SNX27: variants seen among roughly 807,000 people sequenced by gnomAD.
The protein encoded by SNX27 is sorting nexin 27.
SNX27 carries 22 observed loss-of-function variants against 71.6 expected under a neutral mutation model. That is an observed-to-expected ratio of 0.31 (90% confidence interval 0.22 to 0.44). The LOEUF (loss-of-function observed/expected upper bound fraction) is 0.44. SNX27 is among the 20% of genes least tolerant of loss of function. The pLI is 1.00. For synonymous variants in SNX27, 269 were observed against 277.2 expected, an observed-to-expected ratio of 0.97 and a Z score of 0.29; for missense variants, 531 against 698.6, an observed-to-expected ratio of 0.76 and a Z score of 2.70.
chr1:151,682,706 G>C (rs985326423), intron 7 of SNX27, among the ~76,000 whole-genome samples: 8 of 152,172 alleles, frequency 5.3e-5, no homozygotes, highest in African/African-American at 1.7e-4. Flanking sequence ...TGACGAGAGA[G>C]AGAGCACATG....
chr1:151,693,046 G>C lies in SNX27; in HGVS notation c.1518+7G>C. ...TAAAATCTTCACGCCATATGTGAGT[G>C]CAATTTGGGGAAAGTAACTGGGACT... On this transcript the variant is annotated splice_region_variant and intron_variant, in intron 10 of 11. Transcript: ENST00000458013. 6.2e-7 allele frequency: 1 copy of C among 1,603,962 alleles called. No individual in the cohort carries two copies. The highest frequency in any genetic ancestry group is 8.5e-7 in the Non-Finnish European group (1 of 1,177,060).
chr1:151,634,035 T>A (rs1333613327), intron 1 of SNX27, among the ~76,000 whole-genome samples: 2 of 152,074 alleles, frequency 1.3e-5, no homozygotes, highest in Non-Finnish European at 2.9e-5. Context: ...AGTAAATGTA[T>A]GTTTAACATT....
In SNX27 at chr1:151,612,214, G is replaced by A. The variant is rs1272928903; in HGVS notation, c.13G>A (p.Asp5Asn). ...GCCTGCTCGCAAGATGGCGGACGAG[G>A]ACGGGGAAGGGATTCATCCCTCAGC... MADEDGEGIHPSAPH... is the reference protein window; with the variant it reads MADENGEGIHPSAPH... Residue 5 changes from aspartate to asparagine, a missense_variant, in exon 1 of 12, where the codon GAC becomes AAC. Asp to Asn is a conservative substitution (Grantham distance 23). This residue lies in a region of SNX27 where 130 missense variants were observed against 143.5 expected (regional missense o/e 0.91). Coordinates refer to ENST00000458013, the MANE Select transcript of SNX27 (RefSeq NM_001330723.2). This position sits in a 1 kb window ranked among gnomAD's most constrained non-coding sequence, Gnocchi z 5.2. 2.2e-6 allele frequency: 3 copies of A among 1,357,584 alleles called. No homozygotes were observed. Among genetic ancestry groups the A allele is most frequent in the East Asian group, 3.1e-5 (1 of 32,234 alleles). 84.1% of individuals were successfully genotyped at this position (1,357,584 alleles called of 1,614,324 possible).
At chr1:151,693,887 G>C in intron 11 of SNX27, 1 of 1,395,226 alleles carries the variant, frequency 7.2e-7, no homozygotes, top group Non-Finnish European at 9.3e-7. Flanking sequence ...AAGAATGTTT[G>C]TGTGAGGGAA....
At chr1:151,646,273 A>G (rs1669029009) in intron 2 of SNX27, among the ~76,000 whole-genome samples, 1 of 152,132 alleles carries the variant, frequency 6.6e-6, no homozygotes, top group Non-Finnish European at 1.5e-5. Flanking sequence ...TCTCATAGAA[A>G]GCTTAGAGCT....
At chr1:151,640,075 A>C (rs1258229383) in intron 2 of SNX27, among the ~76,000 whole-genome samples, 1 of 152,232 alleles carries the variant, frequency 6.6e-6, no homozygotes, top group Non-Finnish European at 1.5e-5. Flanking sequence ...AAAAGCAAGG[A>C]AGCTAAAAGA....
Position 151,659,007 on chromosome 1 carries a change from A to ATAT in SNX27, c.736+580_736+581insTAT, listed in dbSNP as rs543896553. 1.1e-4 allele frequency among the ~76,000 whole-genome samples: 17 copies of ATAT among 152,318 alleles called. 1 individual carries two copies. In the Middle Eastern group the frequency reaches 0.01, roughly 91 times the overall value. Reference sequence around the variant, plus strand: ...ATATTATCTGCCAGCAAACACATATAGACTCAGCAATATGCTGAATTGATT... The same window carrying ATAT: ...ATATTATCTGCCAGCAAACACATATATATGACTCAGCAATATGCTGAATTGATT... On this transcript the variant is annotated intron_variant, in intron 3 of 11. Coordinates refer to ENST00000458013, the MANE Select transcript of SNX27 (RefSeq NM_001330723.2).
intron 1 of SNX27, among the ~76,000 whole-genome samples, chr1:151,628,706 G>A (rs1031728171): frequency 1.3e-5 from 2 of 152,106 alleles, no homozygotes. Context: ...GTGGTATCTT[G>A]TTTTCATTTG....
intron 1 of SNX27, among the ~76,000 whole-genome samples, chr1:151,619,359 C>G (rs370767601): frequency 6.6e-6 from 1 of 152,152 alleles, no homozygotes; most frequent in Non-Finnish European, 1.5e-5. Flanking sequence ...AAACTGAACA[C>G]CAGAGTGCAT....
At chr1:151,667,217 C>G (rs1670226925) in intron 6 of SNX27, 2 of 119,278 alleles carry the variant, frequency 1.7e-5, no homozygotes, top group Admixed American at 2.2e-4. Context: ...CTACAACACT[C>G]TAGCCTGGGC....
intron 2 of SNX27, among the ~76,000 whole-genome samples, chr1:151,651,597 C>T (rs1313752603): frequency 6.6e-6 from 1 of 151,142 alleles, no homozygotes; most frequent in Non-Finnish European, 1.5e-5. Flanking sequence ...TCCTCACATC[C>T]CAGACGGGGC....
chr1:151,682,549 C>T (rs1258263279), intron 7 of SNX27, among the ~76,000 whole-genome samples: 1 of 152,042 alleles, frequency 6.6e-6, no homozygotes, highest in Non-Finnish European at 1.5e-5. Context: ...TCTCGAACTC[C>T]TGACCTTGTG....
intron 2 of SNX27, 31 bp downstream of exon 2, chr1:151,639,150 A>T: frequency 6.4e-7 from 1 of 1,574,106 alleles, no homozygotes; most frequent in Non-Finnish European, 8.7e-7. Context: ...ATCCTCGAAC[A>T]TCTAGCTTTG....
intron 2 of SNX27, among the ~76,000 whole-genome samples, chr1:151,642,801 G>T (rs1017741553): frequency 1.3e-5 from 2 of 151,896 alleles, no homozygotes; most frequent in African/African-American, 4.8e-5. Context: ...ACCATGTCCG[G>T]CTAATTTTTT....
chr1:151,670,662 T>C (rs576959974), intron 7 of SNX27, among the ~76,000 whole-genome samples: 1 of 152,304 alleles, frequency 6.6e-6, no homozygotes, highest in Admixed American at 6.5e-5. Context: ...TTGTTTGAGC[T>C]CCTTATATAT....
intron 2 of SNX27, among the ~76,000 whole-genome samples, chr1:151,643,364 G>A (rs140637846): frequency 5.4e-4 from 82 of 151,856 alleles, no homozygotes; most frequent in Non-Finnish European, 5.4e-4. Context: ...GTGCGATCTC[G>A]GCTCACTGCA....
chr1:151,655,877 A>G (rs1211475525), intron 2 of SNX27, among the ~76,000 whole-genome samples: 1 of 152,188 alleles, frequency 6.6e-6, no homozygotes, highest in East Asian at 1.9e-4. Context: ...ACTTCATATT[A>G]TATAGAGGAA....
rs960115874 is a variant in SNX27, at chr1:151,658,295, A to G, written c.604A>G (p.Ile202Val). Reference protein sequence around the residue: ...LCSKRYREFAILHQNLKREFA... With the variant: ...LCSKRYREFAVLHQNLKREFA... ...TTCTAAGCGGTACCGGGAGTTTGCT[A>G]TCCTACACCAGAACCTGAAGAGAGA... The change falls in exon 3 of 12, where the codon ATC becomes GTC. Residue 202 changes from isoleucine (I) to valine (V), a missense_variant. Physicochemically the swap from Ile to Val is conservative, Grantham distance 29. This residue lies in a region of SNX27 where 184 missense variants were observed against 289.6 expected (regional missense o/e 0.64). Coordinates refer to ENST00000458013, the MANE Select transcript of SNX27 (RefSeq NM_001330723.2). 6 of 1,614,042 alleles carry G rather than the reference A, an allele frequency of 3.7e-6. No individual in the cohort carries two copies. The highest frequency in any genetic ancestry group is 1.3e-5 in the African/African-American group (1 of 74,932).
chr1:151,641,386 T>C (rs1668711501), intron 2 of SNX27, among the ~76,000 whole-genome samples: 1 of 151,834 alleles, frequency 6.6e-6, no homozygotes, highest in African/African-American at 2.4e-5. Flanking sequence ...CTAGCCATTC[T>C]CATGGACATA....
Sources: allele counts gnomAD v4.1 joint callset (sites outside exome capture counted in the v4.1 genomes callset), GRCh38; gene constraint gnomAD v4.1.1; regional missense constraint gnomAD v4.1.1; non-coding constraint Gnocchi (gnomAD v3.1); transcripts MANE v1.5; gene names NCBI Gene and HGNC (gene_info 2026-07-23, HGNC 2026-07-21).